Variants in PIWIL2 observed in about 807,000 individuals in gnomAD.
PIWIL2 encodes the protein piwi like RNA-mediated gene silencing 2, also known as piwi-like protein 2.
Under a neutral mutation model 116.5 loss-of-function variants are expected in PIWIL2, and 81 were observed. The ratio of observed to expected loss-of-function variants is 0.70; its 90% CI spans 0.58 to 0.84. PIWIL2 has a LOEUF of 0.84. Among genes scored for constraint, PIWIL2 ranks in the 40% least tolerant of loss-of-function variants. PIWIL2 has a pLI of 0.00. For synonymous variants in PIWIL2, 489 were observed against 429.5 expected, an observed-to-expected ratio of 1.14 and a Z score of -1.71; for missense variants, 1,272 against 1,212.3, an observed-to-expected ratio of 1.05 and a Z score of -0.73.
chr8:22,289,887 T>C lies in PIWIL2; in HGVS notation c.1027T>C (p.Phe343Leu), dbSNP rs764366680. The change falls in exon 9 of 23, where the codon TTT becomes CTT. Residue 343 changes from phenylalanine (F) to leucine (L), a missense_variant. Coordinates refer to ENST00000356766, the MANE Select transcript of PIWIL2 (RefSeq NM_018068.5). The stretch of plus-strand genomic sequence containing the variant: ...AGATATGAAGCTTGTGGGGAGAAAC[T>C]TTTATGACCCTACAAGTGCTATGGT... ...LLDMKLVGRN[F>L]YDPTSAMVLQ... The C allele has an allele frequency of 1.3e-5, 21 of 1,612,708 alleles. No homozygotes were observed. The highest frequency in any genetic ancestry group is 1.8e-5 in the Non-Finnish European group (21 of 1,178,708).
At chr8:22,334,120 C>T (rs879940379) in intron 20 of PIWIL2, among the ~76,000 whole-genome samples, 7 of 151,574 alleles carry the variant, frequency 4.6e-5, no homozygotes, top group Middle Eastern at 3.4e-3. Flanking sequence ...ATTACAGGCA[C>T]CCACCACCAC....
At chr8:22,342,212 A>G (rs1017463646) in intron 20 of PIWIL2, among the ~76,000 whole-genome samples, 2 of 152,200 alleles carry the variant, frequency 1.3e-5, no homozygotes, top group South Asian at 2.1e-4. Context: ...AGAAGACTCA[A>G]TATCGTTAGG....
At chr8:22,280,728 G>A (rs1437935055) in intron 2 of PIWIL2, among the ~76,000 whole-genome samples, 1 of 152,138 alleles carries the variant, frequency 6.6e-6, no homozygotes, top group African/African-American at 2.4e-5. Flanking sequence ...CAGTACACTT[G>A]TTCTCTCTTG....
intron 6 of PIWIL2, among the ~76,000 whole-genome samples, chr8:22,285,444 A>T (rs773207217): frequency 1.3e-5 from 2 of 152,132 alleles, no homozygotes; most frequent in African/African-American, 4.8e-5. Flanking sequence ...TTGTGTATGT[A>T]TACCACTTTA....
intron 20 of PIWIL2, among the ~76,000 whole-genome samples, chr8:22,328,169 G>A (rs1831771487): frequency 6.6e-6 from 1 of 151,998 alleles, no homozygotes; most frequent in Non-Finnish European, 1.5e-5. Context: ...ATATCTACTT[G>A]TCATAGCACC....
At chr8:22,330,777 C>T (rs1429192080) in intron 20 of PIWIL2, among the ~76,000 whole-genome samples, 2 of 151,898 alleles carry the variant, frequency 1.3e-5, no homozygotes, top group South Asian at 2.1e-4. Context: ...TATAGGACCA[C>T]GTCTGGGCTT....
chr8:22,338,695 T>TAAAA (rs1832036689), intron 20 of PIWIL2, among the ~76,000 whole-genome samples: 2 of 42,804 alleles, frequency 4.7e-5, no homozygotes, highest in Non-Finnish European at 1.3e-4. Flanking sequence ...ATCTCAAAAA[T>TAAAA]AAATAAATAA....
intron 16 of PIWIL2, among the ~76,000 whole-genome samples, chr8:22,313,691 G>A (rs900088293): frequency 4.6e-5 from 7 of 152,154 alleles, no homozygotes; most frequent in Non-Finnish European, 8.8e-5. Flanking sequence ...TTTCACTTGA[G>A]TGCTGCTTTT....
rs558997601 is a variant in PIWIL2 at position 22,357,337 on chromosome 8, C to G, written c.*1832C>G. 18 of 152,278 alleles carry G rather than the reference C, an allele frequency of 1.2e-4. No individual in the cohort carries two copies. In the East Asian group the frequency reaches 2.7e-3, roughly 23 times the overall value. 9.4% of individuals were successfully genotyped at this position (152,278 alleles called of 1,614,324 possible). A position where few individuals can be genotyped will look rare whatever the true frequency, so the allele number is the denominator to read the frequency against. On this transcript the variant is annotated 3_prime_UTR_variant, in exon 23 of 23. Transcript: ENST00000356766. ...GAATCAAACACTGTGAACCACTGGT[C>G]TCTGGCTAAGCAGATCAGTTTTCTG...
intron 20 of PIWIL2, among the ~76,000 whole-genome samples, chr8:22,350,066 AG>A (rs1832320468): frequency 6.6e-6 from 1 of 152,198 alleles, no homozygotes; most frequent in Admixed American, 6.5e-5. Flanking sequence ...TACTGAATAG[AG>A]GCCACGGATG....
At chr8:22,282,074 C>CCTT (rs769791374) in intron 4 of PIWIL2, among the ~76,000 whole-genome samples, 1 of 88,820 alleles carries the variant, frequency 1.1e-5, no homozygotes, top group African/African-American at 5.0e-5. Context: ...TGTGCGTGGA[C>CCTT]TTTTTTTTTT....
chr8:22,322,151 C>T (rs1265365116), intron 20 of PIWIL2, among the ~76,000 whole-genome samples: 1 of 152,092 alleles, frequency 6.6e-6, no homozygotes, highest in Non-Finnish European at 1.5e-5. Context: ...AGCTGTGTTA[C>T]ATAAATGTTT....
At position 22,281,430 on chromosome 8, in the gene PIWIL2, G is replaced by A. The variant is rs773382709; in HGVS notation, c.340G>A (p.Glu114Lys). The change falls in exon 4 of 23, where the codon GAG (glutamate) becomes AAG (lysine). Residue 114 changes from glutamate to lysine, a missense_variant. Glu to Lys is a moderately conservative substitution (Grantham distance 56, BLOSUM62 1). Transcript: ENST00000356766. The part of the protein sequence containing the change: ...LSANLVRKDR[E>K]ELSPTFWDPK... ...TGCTAATCTGGTACGCAAGGACAGG[G>A]AGGAACTCTCTCCCACTTTTTGGGA... The A allele has an allele frequency of 1.2e-5, 19 of 1,606,252 alleles. No homozygotes were observed. The South Asian group carries it at 2.0e-4, about 17-fold the overall frequency.
chr8:22,306,236 A>C (rs1235228937), intron 13 of PIWIL2, among the ~76,000 whole-genome samples: 1 of 152,192 alleles, frequency 6.6e-6, no homozygotes, highest in African/African-American at 2.4e-5. Context: ...CTTCCTTTTG[A>C]AGGTCGTTAG....
At position 22,315,081 on chromosome 8, in the gene PIWIL2, A is replaced by C. The variant is rs777393825; in HGVS notation, c.2144A>C (p.Gln715Pro). Reference protein sequence around the residue: ...GQPTRLRSVAQKILLQINCKL... With the variant: ...GQPTRLRSVAPKILLQINCKL... ...CCCACCAGGCTTCGGAGTGTGGCCC[A>C]GAAGATTTTACTTCAGATTAACTGT... Residue 715 changes from glutamine (Q) to proline (P), a missense_variant, in exon 18 of 23, where the codon CAG becomes CCG. Physicochemically the swap from Gln to Pro is moderately conservative, Grantham distance 76. Coordinates refer to ENST00000356766, the MANE Select transcript of PIWIL2 (RefSeq NM_018068.5). The C allele has an allele frequency of 3.7e-6, 6 of 1,613,898 alleles. No individual in the cohort carries two copies. Among genetic ancestry groups the C allele is most frequent in the Non-Finnish European group, 4.2e-6 (5 of 1,179,778 alleles).
intron 1 of PIWIL2, chr8:22,275,788 G>T (rs1225978846): frequency 6.6e-6 from 1 of 152,448 alleles, no homozygotes; most frequent in Non-Finnish European, 1.5e-5. Flanking sequence ...CGAGGCCTCA[G>T]CGCGGAGCAC....
At chr8:22,294,358 A>C (rs1273126248) in intron 10 of PIWIL2, among the ~76,000 whole-genome samples, 1 of 135,514 alleles carries the variant, frequency 7.4e-6, no homozygotes, top group Non-Finnish European at 1.6e-5. Context: ...AAAAAAAAAA[A>C]GGTCCGAGCG....
intron 14 of PIWIL2, among the ~76,000 whole-genome samples, chr8:22,309,128 A>T (rs1388007777): frequency 6.6e-6 from 1 of 151,414 alleles, no homozygotes; most frequent in Non-Finnish European, 1.5e-5. Context: ...CGTCCGGCTA[A>T]TTTTTGTATT....
chr8:22,291,417 C>G (rs2132003105), intron 10 of PIWIL2, among the ~76,000 whole-genome samples: 1 of 152,158 alleles, frequency 6.6e-6, no homozygotes, highest in South Asian at 2.1e-4. Flanking sequence ...TCCCAAAGTG[C>G]TGGGATTACA....
Sources: gnomAD v4.1 joint callset for allele counts (sites outside exome capture counted in the v4.1 genomes callset) on GRCh38, gnomAD v4.1.1 for gene constraint, MANE v1.5 for transcripts, NCBI Gene and HGNC (gene_info 2026-07-23, HGNC 2026-07-21) for gene names.